Variants in CFAP92 observed in about 807,000 individuals in gnomAD.
CFAP92 encodes the protein cilia and flagella associated protein 92 (putative).
CFAP92 carries 86 observed loss-of-function variants against 106.3 expected under a neutral mutation model. That is an observed-to-expected ratio of 0.81 (90% confidence interval 0.68 to 0.97). The LOEUF (loss-of-function observed/expected upper bound fraction) is 0.97. CFAP92 is among the 50% of genes least tolerant of loss of function. CFAP92 has a pLI of 0.00. For synonymous variants in CFAP92, 477 were observed against 506.4 expected (o/e 0.94, Z 0.78); for missense variants, 1,204 against 1,283.8 (o/e 0.94, Z 0.95).
chr3:128,953,093 A>G (rs754546384), intron 9 of CFAP92, among the ~76,000 whole-genome samples: 1 of 152,182 alleles, frequency 6.6e-6, no homozygotes, highest in Non-Finnish European at 1.5e-5. Context: ...AAACAAAACA[A>G]AAATGGAAAT....
chr3:128,981,416 C>A (rs1213263765), intron 4 of CFAP92, among the ~76,000 whole-genome samples: 3 of 150,284 alleles, frequency 2.0e-5, no homozygotes, highest in African/African-American at 7.4e-5. Context: ...CTGCAACCTC[C>A]ACCTCCCAGG....
chr3:128,932,678 G>A, intron 12 of CFAP92, 22 bp downstream of exon 12: 1 of 1,519,922 alleles, frequency 6.6e-7, no homozygotes, highest in Non-Finnish European at 8.8e-7. Flanking sequence ...GGAACCCCAA[G>A]TTGGGGAGGA....
At chr3:128,957,902 G>T (rs1941568943) in intron 9 of CFAP92, among the ~76,000 whole-genome samples, 1 of 152,144 alleles carries the variant, frequency 6.6e-6, no homozygotes, top group Non-Finnish European at 1.5e-5. Context: ...AAATTAAGCT[G>T]TTGGCAGGGC....
intron 11 of CFAP92, among the ~76,000 whole-genome samples, chr3:128,934,466 G>A (rs570381092): frequency 2.6e-5 from 4 of 152,196 alleles, no homozygotes; most frequent in East Asian, 3.9e-4. Flanking sequence ...TGATCCACCC[G>A]CCTTGGCCTC....
At chr3:128,930,707 C>T (rs1046383516) in intron 12 of CFAP92, among the ~76,000 whole-genome samples, 3 of 151,998 alleles carry the variant, frequency 2.0e-5, no homozygotes, top group Admixed American at 6.5e-5. Context: ...GCCGAGATCA[C>T]GCCACTACAC....
At chr3:128,919,909 G>A (rs1465630396) in intron 12 of CFAP92, among the ~76,000 whole-genome samples, 1 of 152,186 alleles carries the variant, frequency 6.6e-6, no homozygotes, top group Non-Finnish European at 1.5e-5. Flanking sequence ...CTCTGATTAA[G>A]GAGATTTATC....
At chr3:129,019,097 A>G in the CFAP92 span, among the ~76,000 whole-genome samples, 1 of 152,192 alleles carries the variant, frequency 6.6e-6, no homozygotes, top group Admixed American at 6.5e-5. Flanking sequence ...AGACACATAA[A>G]TGATTTGACC....
In CFAP92 at chr3:128,993,070, TG is replaced by T; in HGVS notation, c.234del (p.Ile79SerfsTer7). 1 of 1,614,030 alleles carries T rather than the reference TG, an allele frequency of 6.2e-7. No individual in the cohort carries two copies. Among genetic ancestry groups the T allele is most frequent in the Non-Finnish European group, 8.5e-7 (1 of 1,179,888 alleles). On this transcript the variant is annotated frameshift_variant, in exon 2 of 16. Transcript: ENST00000645291. LOFTEE classifies it high-confidence loss of function. Reference sequence around the variant, plus strand: ...ATATTCACAGGGAAGGCCAGTGAGATGGTGAATTTGCAGGGGACCACGTGGG... The same window carrying T: ...ATATTCACAGGGAAGGCCAGTGAGATGTGAATTTGCAGGGGACCACGTGGG... ...DVPHVVPCKF[T>X]ISLAFPVNMG...
the CFAP92 span, among the ~76,000 whole-genome samples, chr3:129,013,923 G>T: frequency 5.9e-5 from 9 of 152,330 alleles, 1 homozygote; most frequent in Admixed American, 5.9e-4. Flanking sequence ...GCTTCTTTGT[G>T]ACTAGGCAGG....
intron 12 of CFAP92, among the ~76,000 whole-genome samples, chr3:128,931,882 C>T (rs1243765405): frequency 4.0e-5 from 6 of 151,868 alleles, no homozygotes; most frequent in Admixed American, 6.6e-5. Context: ...AAAAATTAAC[C>T]AGGTGTGGTG....
chr3:128,932,674 C>G (rs1938529099), intron 12 of CFAP92, 26 bp downstream of exon 12: 2 of 1,517,902 alleles, frequency 1.3e-6, no homozygotes, highest in Non-Finnish European at 1.8e-6. Context: ...CCTGGGAACC[C>G]CAAGTTGGGG....
At chr3:128,918,674 G>C (rs1288075602) in intron 12 of CFAP92, among the ~76,000 whole-genome samples, 1 of 152,160 alleles carries the variant, frequency 6.6e-6, no homozygotes, top group Non-Finnish European at 1.5e-5. Flanking sequence ...TAGGAGATGA[G>C]ATAAAAGGGA....
chr3:129,003,338 A>T (rs570504457), upstream of CFAP92: 14 of 956,130 alleles, frequency 1.5e-5, no homozygotes, highest in South Asian at 5.3e-4. Flanking sequence ...GGCTCTGGGA[A>T]CACACCAGTA....
chr3:129,011,550 C>CAAAAAAA, the CFAP92 span, among the ~76,000 whole-genome samples: 293 of 93,512 alleles, frequency 3.1e-3, no homozygotes, highest in African/African-American at 0.01. Flanking sequence ...GACTCCGTCT[C>CAAAAAAA]AAAAAAAAAA....
the CFAP92 span, among the ~76,000 whole-genome samples, chr3:129,015,873 A>G: frequency 6.6e-6 from 1 of 151,742 alleles, no homozygotes; most frequent in South Asian, 2.1e-4. Flanking sequence ...AGGAAACGCC[A>G]TGCAGCAAAG....
chr3:128,930,079 G>A (rs1938175327), intron 12 of CFAP92, among the ~76,000 whole-genome samples: 1 of 152,092 alleles, frequency 6.6e-6, no homozygotes, highest in Admixed American at 6.6e-5. Flanking sequence ...ATTTACAAGA[G>A]ATTTTAGCAA....
upstream of CFAP92, among the ~76,000 whole-genome samples, chr3:128,997,229 TC>T (rs1251643877): frequency 1.3e-5 from 2 of 152,180 alleles, no homozygotes; most frequent in Non-Finnish European, 2.9e-5. Context: ...CCTGAAGCTA[TC>T]CCAAGACTCT....
At chr3:128,941,107 T>G (rs1323210438) in intron 10 of CFAP92, among the ~76,000 whole-genome samples, 2 of 152,182 alleles carry the variant, frequency 1.3e-5, no homozygotes, top group Non-Finnish European at 2.9e-5. Context: ...TTCTATAATA[T>G]TCATGATGGA....
intron 15 of CFAP92, among the ~76,000 whole-genome samples, chr3:128,911,898 T>A (rs1181421131): frequency 1.3e-5 from 2 of 152,200 alleles, no homozygotes; most frequent in African/African-American, 4.8e-5. Flanking sequence ...GGCCTTGGCC[T>A]AGAGAACAGA....
Sources: allele counts gnomAD v4.1 joint callset (sites outside exome capture counted in the v4.1 genomes callset), GRCh38; gene constraint gnomAD v4.1.1; transcripts MANE v1.5; gene names NCBI Gene and HGNC (gene_info 2026-07-23, HGNC 2026-07-21).